The following MMP16 variants were observed in gnomAD, a reference collection of about 807,000 sequenced individuals.
MMP16 encodes matrix metallopeptidase 16.
In MMP16, 12 loss-of-function variants were observed where a neutral mutation model predicts 67.8. That is an observed-to-expected ratio of 0.18 (90% CI 0.11 to 0.29). The LOEUF (loss-of-function observed/expected upper bound fraction) is 0.29, where lower values mean the gene tolerates loss of function less well. MMP16 is among the 10% of genes least tolerant of loss of function. The pLI, the probability that MMP16 is intolerant of heterozygous loss-of-function variation, is 1.00. For missense variants in MMP16, 475 were observed against 765.7 expected (o/e 0.62, Z 4.48); for synonymous variants, 249 against 255.9 (o/e 0.97, Z 0.26).
At chr8:88,113,673 C>G (rs1421036667) in intron 6 of MMP16, among the ~76,000 whole-genome samples, 3 of 152,010 alleles carry the variant, frequency 2.0e-5, no homozygotes, top group African/African-American at 7.2e-5. Context: ...GTCATTGGCA[C>G]TGAAAAACAG....
chr8:88,215,237 G>C (rs754047182), intron 1 of MMP16, among the ~76,000 whole-genome samples: 1 of 151,934 alleles, frequency 6.6e-6, no homozygotes, highest in Non-Finnish European at 1.5e-5. Context: ...GGCTGAGGCA[G>C]CAGAATTGCT....
intron 1 of MMP16, among the ~76,000 whole-genome samples, chr8:88,247,482 C>T (rs1007142619): frequency 1.3e-5 from 2 of 152,044 alleles, no homozygotes; most frequent in African/African-American, 4.8e-5. Context: ...TTGTGCAGCA[C>T]TAGTTGTTCC....
In MMP16 at chr8:88,327,413, G is replaced by A. The variant is rs28907874; in HGVS notation, c.-207C>T. ...AGCGGCGAAGACAGGGTCAGCAGTA[G>A]TTCCTGTTCACCATCCTCCGGGGTC... On this transcript the variant is annotated 5_prime_UTR_variant, in exon 1 of 10. Coordinates refer to ENST00000286614, the MANE Select transcript of MMP16 (RefSeq NM_005941.5). The A allele has an allele frequency of 3.6e-6, 2 of 552,362 alleles. No individual in the cohort carries two copies. The highest frequency in any genetic ancestry group is 6.5e-5 in the East Asian group (2 of 30,646). The allele number at this position is 552,362 out of a possible 1,614,324, so 34.2% of individuals were successfully genotyped here. A position where few individuals can be genotyped will look rare whatever the true frequency, so the allele number is the denominator to read the frequency against.
chr8:88,148,721 T>C (rs1211543732), intron 4 of MMP16, among the ~76,000 whole-genome samples: 1 of 134,814 alleles, frequency 7.4e-6, no homozygotes, highest in Non-Finnish European at 1.6e-5. Context: ...TTATTGCTTA[T>C]CTATTTCTTT....
At chr8:88,074,529 C>T in intron 7 of MMP16, 76 bp downstream of exon 7, 1 of 1,330,108 alleles carries the variant, frequency 7.5e-7, no homozygotes, top group Non-Finnish European at 1.0e-6. Flanking sequence ...CTCATTTCAT[C>T]ACTTTTGTGT....
intron 1 of MMP16, among the ~76,000 whole-genome samples, chr8:88,266,129 G>C (rs1447850425): frequency 1.3e-5 from 2 of 152,136 alleles, no homozygotes; most frequent in Non-Finnish European, 2.9e-5. Context: ...CAAAATGCTA[G>C]AGGTGCTCCC....
intron 8 of MMP16, among the ~76,000 whole-genome samples, chr8:88,047,937 A>G (rs2118203374): frequency 6.6e-6 from 1 of 152,310 alleles, no homozygotes; most frequent in South Asian, 2.1e-4. Flanking sequence ...CTGATGATAA[A>G]TCAAGGCATT....
intron 1 of MMP16, among the ~76,000 whole-genome samples, chr8:88,284,098 T>G (rs1810785667): frequency 6.6e-6 from 1 of 152,188 alleles, no homozygotes; most frequent in African/African-American, 2.4e-5. Context: ...GATGACACTA[T>G]TAGGACAGTA....
At chr8:88,234,318 A>C (rs1030675677) in intron 1 of MMP16, among the ~76,000 whole-genome samples, 6 of 152,230 alleles carry the variant, frequency 3.9e-5, no homozygotes, top group African/African-American at 1.2e-4. Flanking sequence ...ATGCCACAGA[A>C]CTAAAATGTG....
In MMP16 at chr8:88,308,502, A is replaced by G. The variant is rs374989429; in HGVS notation, c.132+18573T>C. 4.6e-5 allele frequency among the ~76,000 whole-genome samples: 7 copies of G among 152,216 alleles called. No homozygotes were observed. The East Asian group carries it at 1.2e-3, about 25-fold the overall frequency. ...CCATAGATCAATGGCATTTGTCTTA[A>G]GCCATTACATTCTATAGTAGTTAGT... is the stretch of plus-strand genomic sequence containing the variant. On this transcript the variant is annotated intron_variant, in intron 1 of 9. Transcript: ENST00000286614.
chr8:88,312,846 T>A (rs775315705), intron 1 of MMP16, among the ~76,000 whole-genome samples: 26 of 152,100 alleles, frequency 1.7e-4, no homozygotes, highest in Non-Finnish European at 3.2e-4. Flanking sequence ...TGCATGCCTG[T>A]AATCCCAGCC....
At chr8:88,175,751 C>T (rs891437928) in intron 3 of MMP16, among the ~76,000 whole-genome samples, 3 of 152,072 alleles carry the variant, frequency 2.0e-5, no homozygotes, top group Admixed American at 1.3e-4. Flanking sequence ...TTGTAGTTCC[C>T]GTAATCCCCA....
In MMP16 at chr8:88,319,476, C is replaced by A. The variant is rs764904698; in HGVS notation, c.132+7599G>T. 3.9e-4 allele frequency among the ~76,000 whole-genome samples: 59 copies of A among 151,878 alleles called. 1 individual carries two copies. Among genetic ancestry groups the A allele is most frequent in the Middle Eastern group, 3.4e-3 (1 of 294 alleles). ...AGCAAGTAGAGCGTGAGAAAAGGAA[C>A]TGCAACTGTTGAGAGTAAAGAAGGA... On this transcript the variant is annotated intron_variant, in intron 1 of 9. Transcript: ENST00000286614.
intron 4 of MMP16, among the ~76,000 whole-genome samples, chr8:88,141,451 G>A (rs970113331): frequency 7.2e-5 from 11 of 152,136 alleles, no homozygotes; most frequent in Non-Finnish European, 1.6e-4. Flanking sequence ...GGATAGCTTC[G>A]AGTGGTTGAA....
At chr8:88,095,190 A>G (rs888631556) in intron 6 of MMP16, among the ~76,000 whole-genome samples, 2 of 151,742 alleles carry the variant, frequency 1.3e-5, no homozygotes, top group Non-Finnish European at 2.9e-5. Context: ...TTTTTTTTAA[A>G]CCATCTATCA....
chr8:88,143,635 G>C (rs1472055491), intron 4 of MMP16, among the ~76,000 whole-genome samples: 3 of 152,014 alleles, frequency 2.0e-5, no homozygotes, highest in Non-Finnish European at 4.4e-5. Context: ...GTTATAAGGA[G>C]AAAGTGATTA....
intron 1 of MMP16, among the ~76,000 whole-genome samples, chr8:88,291,814 A>G (rs1416265534): frequency 1.3e-5 from 2 of 152,160 alleles, no homozygotes; most frequent in East Asian, 3.8e-4. Context: ...AAATGAAAAC[A>G]TTTTCAATAG....
intron 7 of MMP16, among the ~76,000 whole-genome samples, chr8:88,064,475 C>T (rs1415317893): frequency 6.6e-6 from 1 of 152,086 alleles, no homozygotes; most frequent in Non-Finnish European, 1.5e-5. Flanking sequence ...CAATAACCAG[C>T]TGTAAGATCC....
intron 1 of MMP16, among the ~76,000 whole-genome samples, chr8:88,208,795 C>A (rs1586205817): frequency 6.6e-5 from 7 of 106,208 alleles, no homozygotes; most frequent in Admixed American, 3.4e-4. Context: ...TCAAGGAAAT[C>A]ATGAAAGAGG....
Sources: allele counts gnomAD v4.1 joint callset (sites outside exome capture counted in the v4.1 genomes callset), GRCh38; gene constraint gnomAD v4.1.1; transcripts MANE v1.5; gene names NCBI Gene and HGNC (gene_info 2026-07-23, HGNC 2026-07-21).